THSD4: variants seen among roughly 807,000 people sequenced by gnomAD.
The protein encoded by THSD4 is thrombospondin type 1 domain containing 4, also known as thrombospondin type-1 domain-containing protein 4.
A neutral mutation model predicts 119.0 loss-of-function variants in THSD4; 69 were observed. That is an observed-to-expected ratio of 0.58 (90% CI 0.48 to 0.71). The LOEUF is 0.71. THSD4 is among the 30% of genes least tolerant of loss of function. The pLI is 0.00. For missense variants in THSD4, 1,393 were observed against 1,391.1 expected, an observed-to-expected ratio of 1.00 and a Z score of -0.02; for synonymous variants, 524 against 540.4, an observed-to-expected ratio of 0.97 and a Z score of 0.42.
intron 3 of THSD4, among the ~76,000 whole-genome samples, chr15:71,198,667 C>G (rs1257554810): frequency 6.6e-6 from 1 of 152,244 alleles, no homozygotes; most frequent in Non-Finnish European, 1.5e-5. Context: ...GCTAATCTTT[C>G]ATGGTCTGCC....
chr15:71,445,613 T>C (rs1595775557), intron 7 of THSD4, among the ~76,000 whole-genome samples: 1 of 152,324 alleles, frequency 6.6e-6, no homozygotes, highest in Middle Eastern at 3.4e-3. Context: ...TTCCCCGTCA[T>C]CTTGATTGAC....
rs73430294 is a variant in THSD4 at position 71,728,732 on chromosome 15, T to C, written c.1533+8T>C. ...GAGATCTTGGATGTCTACGTGAGTT[T>C]GGATGTTTCTGGACTGTTCTTTGGA... On this transcript the variant is annotated splice_region_variant and intron_variant, in intron 9 of 17. Coordinates refer to ENST00000261862, the MANE Select transcript of THSD4 (RefSeq NM_024817.3). 1.3e-3 allele frequency: 2,123 copies of C among 1,613,728 alleles called. 32 individuals are homozygous for C. In the African/African-American group the frequency reaches 0.025, roughly 19 times the overall value.
At chr15:71,396,594 A>G (rs2046458249) in intron 6 of THSD4, among the ~76,000 whole-genome samples, 1 of 152,188 alleles carries the variant, frequency 6.6e-6, no homozygotes, top group Non-Finnish European at 1.5e-5. Flanking sequence ...GTTTTAACAC[A>G]TATATCCGCT....
At chr15:71,749,807 C>T (rs1429574374) in intron 14 of THSD4, among the ~76,000 whole-genome samples, 3 of 151,146 alleles carry the variant, frequency 2.0e-5, no homozygotes, top group South Asian at 2.1e-4. Context: ...GCAGCCTCGA[C>T]CTGCTGGGAT....
At chr15:71,171,307 A>C (rs2043360397) in intron 3 of THSD4, among the ~76,000 whole-genome samples, 1 of 152,174 alleles carries the variant, frequency 6.6e-6, no homozygotes, top group Admixed American at 6.5e-5. Context: ...GACATATTAC[A>C]TATATGGGAA....
chr15:71,522,106 A>T (rs2048450131), intron 7 of THSD4, among the ~76,000 whole-genome samples: 1 of 152,200 alleles, frequency 6.6e-6, no homozygotes, highest in Non-Finnish European at 1.5e-5. Context: ...TTTGCACCTC[A>T]TGAAGGCACA....
intron 8 of THSD4, among the ~76,000 whole-genome samples, chr15:71,709,474 G>C (rs1291906203): frequency 6.6e-6 from 1 of 152,194 alleles, no homozygotes; most frequent in East Asian, 1.9e-4. Flanking sequence ...CCTGTGCCAT[G>C]ATCAGACCCG....
chr15:71,250,248 A>G (rs1035108449), intron 5 of THSD4, among the ~76,000 whole-genome samples: 2 of 152,220 alleles, frequency 1.3e-5, no homozygotes, highest in African/African-American at 4.8e-5. Context: ...AGCAGATAGC[A>G]GAGGGGAAGG....
intron 7 of THSD4, among the ~76,000 whole-genome samples, chr15:71,458,851 T>C (rs2047374800): frequency 1.3e-5 from 2 of 152,204 alleles, no homozygotes; most frequent in East Asian, 3.9e-4. Flanking sequence ...CTTTAGGTTA[T>C]AGTCTTTCAC....
intron 14 of THSD4, among the ~76,000 whole-genome samples, chr15:71,750,368 C>T (rs1417228804): frequency 6.6e-6 from 1 of 152,212 alleles, no homozygotes; most frequent in African/African-American, 2.4e-5. Context: ...TTGAATATCA[C>T]CCCTAGAGGT....
At chr15:71,677,387 A>T (rs4776566) in intron 8 of THSD4, among the ~76,000 whole-genome samples, 7 of 152,146 alleles carry the variant, frequency 4.6e-5, no homozygotes, top group Non-Finnish European at 1.0e-4. Flanking sequence ...ACTCTTGTCC[A>T]GAACCAAATA....
intron 7 of THSD4, among the ~76,000 whole-genome samples, chr15:71,421,155 T>C (rs1283847725): frequency 4.0e-4 from 2 of 5,036 alleles, no homozygotes; most frequent in East Asian, 0.062. Context: ...TGAGACTCCG[T>C]CTCAAAAAAA....
intron 7 of THSD4, among the ~76,000 whole-genome samples, chr15:71,551,517 G>A (rs557340401): frequency 1.4e-4 from 21 of 152,268 alleles, no homozygotes; most frequent in African/African-American, 2.6e-4. Context: ...ATTATCTGTC[G>A]TGATTCAGTG....
chr15:71,412,987 C>G (rs531424862), intron 7 of THSD4, among the ~76,000 whole-genome samples: 2 of 152,092 alleles, frequency 1.3e-5, no homozygotes, highest in South Asian at 4.2e-4. Flanking sequence ...CATTCCAGTG[C>G]TACTCTTTTA....
chr15:71,248,246 A>G (rs1042273764), intron 5 of THSD4, among the ~76,000 whole-genome samples: 3 of 152,128 alleles, frequency 2.0e-5, no homozygotes, highest in Admixed American at 1.3e-4. Context: ...ACACCACTGC[A>G]CTCCAGCTTG....
intron 4 of THSD4, among the ~76,000 whole-genome samples, chr15:71,236,222 G>A (rs1188159994): frequency 3.9e-5 from 6 of 152,208 alleles, no homozygotes; most frequent in Non-Finnish European, 8.8e-5. Flanking sequence ...GCCTGGCTCC[G>A]GAGGGCGGGG....
intron 6 of THSD4, among the ~76,000 whole-genome samples, chr15:71,339,902 T>C (rs1217056204): frequency 1.3e-5 from 2 of 152,056 alleles, no homozygotes; most frequent in Non-Finnish European, 2.9e-5. Flanking sequence ...GTAGCTGAAA[T>C]TACAGTCGCG....
chr15:71,139,749 AC>A (rs746415749), intron 1 of THSD4, among the ~76,000 whole-genome samples: 1 of 152,178 alleles, frequency 6.6e-6, no homozygotes, highest in Non-Finnish European at 1.5e-5. Context: ...TTTCCCACCC[AC>A]ATTTTCTGGT....
At chr15:71,116,893 A>T (rs1234040304) in intron 1 of THSD4, among the ~76,000 whole-genome samples, 1 of 152,086 alleles carries the variant, frequency 6.6e-6, no homozygotes, top group African/African-American at 2.4e-5. Context: ...CAAACATTTT[A>T]AAAATGTGAC....
Sources: allele counts gnomAD v4.1 joint callset (sites outside exome capture counted in the v4.1 genomes callset), GRCh38; gene constraint gnomAD v4.1.1; transcripts MANE v1.5; gene names NCBI Gene and HGNC (gene_info 2026-07-23, HGNC 2026-07-21).